Variants in COX10 observed in about 807,000 individuals in gnomAD.
COX10 encodes the protein cytochrome c oxidase assembly factor heme A:farnesyltransferase COX10.
COX10 carries 27 observed loss-of-function variants against 37.3 expected under a neutral mutation model. The observed-to-expected ratio is 0.72, with a 90% CI of 0.53 to 1.00. The LOEUF (loss-of-function observed/expected upper bound fraction) is 1.00. COX10 is among the 50% of genes least tolerant of loss of function. The probability of loss-of-function intolerance (pLI) is 0.00; values close to 1 mark genes in which losing one functional copy is unlikely to be tolerated. For synonymous variants in COX10, 222 were observed against 229.1 expected, an observed-to-expected ratio of 0.97 and a Z score of 0.28; for missense variants, 475 against 563.2, an observed-to-expected ratio of 0.84 and a Z score of 1.59.
chr17:14,118,681 A>C, intron 4 of COX10, among the ~76,000 whole-genome samples: 1 of 152,110 alleles, frequency 6.6e-6, no homozygotes, highest in East Asian at 1.9e-4. Flanking sequence ...AAGGCATAAA[A>C]ATTTTATAAA....
chr17:14,108,675 GT>G (rs199947553), intron 4 of COX10, among the ~76,000 whole-genome samples: 1 of 1,302 alleles, frequency 7.7e-4, no homozygotes, highest in Non-Finnish European at 0.013. Flanking sequence ...CTGAAATAAG[GT>G]AAAAAAAGAA....
intron 4 of COX10, among the ~76,000 whole-genome samples, chr17:14,135,596 G>A (rs76975104): frequency 0.041 from 6,208 of 151,934 alleles, 192 homozygotes; most frequent in African/African-American, 0.087. Context: ...ACTTAATATT[G>A]AGGTTTTTTA....
chr17:14,144,393 GTATTA>G (rs1352941515), intron 4 of COX10, among the ~76,000 whole-genome samples: 1 of 152,026 alleles, frequency 6.6e-6, no homozygotes, highest in African/African-American at 2.4e-5. Context: ...TGCCTATTTT[GTATTA>G]TAATTGTGAG....
intron 4 of COX10, among the ~76,000 whole-genome samples, chr17:14,142,081 T>A (rs1770590678): frequency 6.6e-6 from 1 of 152,212 alleles, no homozygotes; most frequent in Non-Finnish European, 1.5e-5. Flanking sequence ...TGCACTGTTG[T>A]CACTCAAATA....
At chr17:14,168,992 T>C (rs917812003) in intron 5 of COX10, among the ~76,000 whole-genome samples, 1 of 152,236 alleles carries the variant, frequency 6.6e-6, no homozygotes, top group African/African-American at 2.4e-5. Flanking sequence ...TACCACATGG[T>C]AAGGCTGTAG....
chr17:14,154,548 C>T (rs1904991693), intron 4 of COX10, among the ~76,000 whole-genome samples: 1 of 152,172 alleles, frequency 6.6e-6, no homozygotes, highest in Non-Finnish European at 1.5e-5. Flanking sequence ...AGAGGGATAA[C>T]ATTTAAGTCA....
In COX10 at chr17:14,069,551, C is replaced by G. The variant is rs1914960164; in HGVS notation, c.-55C>G. On this transcript the variant is annotated 5_prime_UTR_variant, in exon 1 of 7. Coordinates refer to ENST00000261643, the MANE Select transcript of COX10 (RefSeq NM_001303.4). The stretch of plus-strand genomic sequence containing the variant: ...GAAGGAAGATGGCGGCGCCCAGCGT[C>G]CCGTGAGGAGAGAGGACACAGGGAT... The G allele has an allele frequency of 6.2e-7, 1 of 1,607,548 alleles. No homozygotes were observed. The highest frequency in any genetic ancestry group is 8.5e-7 in the Non-Finnish European group (1 of 1,175,762).
At chr17:14,120,823 T>C (rs763268254) in intron 4 of COX10, among the ~76,000 whole-genome samples, 63 of 152,258 alleles carry the variant, frequency 4.1e-4, no homozygotes, top group Non-Finnish European at 4.4e-5. Flanking sequence ...TGTCCCAAGA[T>C]TTGTGGAAGT....
intron 5 of COX10, among the ~76,000 whole-genome samples, chr17:14,186,359 C>T (rs1906025110): frequency 6.6e-6 from 1 of 151,946 alleles, no homozygotes; most frequent in African/African-American, 2.4e-5. Context: ...ACTTGCCATT[C>T]TTCTCCTCTT....
intron 4 of COX10, among the ~76,000 whole-genome samples, chr17:14,109,047 G>C (rs1245388399): frequency 1.3e-5 from 2 of 152,186 alleles, no homozygotes; most frequent in East Asian, 3.9e-4. Flanking sequence ...TTTTTCTTCT[G>C]AATGTTGTGA....
At chr17:14,160,671 AAAT>A (rs746556198) in intron 5 of COX10, among the ~76,000 whole-genome samples, 7 of 152,326 alleles carry the variant, frequency 4.6e-5, no homozygotes, top group Non-Finnish European at 1.0e-4. Flanking sequence ...TATTTAAGTA[AAAT>A]AATAAAGGAA....
rs569443344 is a variant in COX10 at position 14,206,761 on chromosome 17, C to G, written c.929-49C>G. 44 of 1,610,236 alleles carry G rather than the reference C, an allele frequency of 2.7e-5. 1 individual carries two copies. The South Asian group carries it at 4.8e-4, about 18-fold the overall frequency. ...AGAGGAAACCATTCTTTGGAAATCTCTGGTGATGACTGCCTTTGTCTCCCT... is the reference window on the plus strand; with the variant it reads ...AGAGGAAACCATTCTTTGGAAATCTGTGGTGATGACTGCCTTTGTCTCCCT... On this transcript the variant is annotated intron_variant, in intron 6 of 6. Transcript: ENST00000261643.
chr17:14,080,247 G>A (rs1171028628), intron 3 of COX10, among the ~76,000 whole-genome samples: 3 of 132,874 alleles, frequency 2.3e-5, no homozygotes, highest in East Asian at 4.3e-4. Context: ...TTTTTGAGAC[G>A]GAGTCTTGCT....
intron 3 of COX10, among the ~76,000 whole-genome samples, chr17:14,099,244 CT>C (rs1422771784): frequency 6.6e-6 from 1 of 152,090 alleles, no homozygotes; most frequent in Non-Finnish European, 1.5e-5. Context: ...GGAAGGACCC[CT>C]TGCCAAAATA....
intron 1 of COX10, among the ~76,000 whole-genome samples, chr17:14,070,469 C>G (rs904804689): frequency 1.3e-5 from 2 of 152,144 alleles, no homozygotes; most frequent in African/African-American, 4.8e-5. Flanking sequence ...GTTTCCAGTG[C>G]CCAGAACAGT....
chr17:14,076,005 A>G (rs966653327), intron 2 of COX10, among the ~76,000 whole-genome samples: 1 of 151,494 alleles, frequency 6.6e-6, no homozygotes, highest in Non-Finnish European at 1.5e-5. Context: ...AAAAAAAAAA[A>G]AAAAAAATCA....
At chr17:14,152,810 C>T (rs1287621426) in intron 4 of COX10, among the ~76,000 whole-genome samples, 1 of 152,182 alleles carries the variant, frequency 6.6e-6, no homozygotes, top group Non-Finnish European at 1.5e-5. Flanking sequence ...AGGAGCAGCA[C>T]ACATACTTGG....
At chr17:14,126,672 ATAT>A (rs1483493894) in intron 4 of COX10, among the ~76,000 whole-genome samples, 1 of 151,842 alleles carries the variant, frequency 6.6e-6, no homozygotes, top group Admixed American at 6.6e-5. Flanking sequence ...CAGCTCCTTG[ATAT>A]TAGGGTGTTG....
At chr17:14,070,949 A>C (rs910851933) in intron 1 of COX10, among the ~76,000 whole-genome samples, 2 of 152,172 alleles carry the variant, frequency 1.3e-5, no homozygotes, top group African/African-American at 2.4e-5. Context: ...AAGCTTGGGG[A>C]TAAGTAATGG....
Sources: allele counts gnomAD v4.1 joint callset (sites outside exome capture counted in the v4.1 genomes callset), GRCh38; gene constraint gnomAD v4.1.1; transcripts MANE v1.5; gene names NCBI Gene and HGNC (gene_info 2026-07-23, HGNC 2026-07-21).